TPX2: variants seen among roughly 807,000 people sequenced by gnomAD.
TPX2 encodes the protein TPX2 microtubule nucleation factor.
TPX2 carries 21 observed loss-of-function variants against 93.6 expected under a neutral mutation model. The observed-to-expected ratio is 0.22, with a 90% CI of 0.16 to 0.32. The LOEUF (loss-of-function observed/expected upper bound fraction) is 0.32. Among genes scored for constraint, TPX2 ranks in the 10% least tolerant of loss-of-function variants. TPX2 has a pLI of 1.00. For synonymous variants in TPX2, 281 were observed against 298.3 expected (o/e 0.94, Z 0.60); for missense variants, 776 against 871.1 (o/e 0.89, Z 1.37).
intron 2 of TPX2, among the ~76,000 whole-genome samples, chr20:31,751,324 C>CA (rs2061818208): frequency 6.6e-6 from 1 of 152,104 alleles, no homozygotes; most frequent in Non-Finnish European, 1.5e-5. Flanking sequence ...GTCTTCATTA[C>CA]ATTCATGCCT....
At chr20:31,789,176 G>A (rs1463967256) in intron 12 of TPX2, among the ~76,000 whole-genome samples, 5 of 152,126 alleles carry the variant, frequency 3.3e-5, no homozygotes, top group Admixed American at 2.0e-4. Flanking sequence ...TAGAGCACTT[G>A]TGAAAATTTG....
intron 1 of TPX2, among the ~76,000 whole-genome samples, chr20:31,742,288 C>A (rs1276095789): frequency 6.6e-6 from 1 of 151,486 alleles, no homozygotes; most frequent in Non-Finnish European, 1.5e-5. Flanking sequence ...AGCGATTCTC[C>A]TGCCTCAGTG....
chr20:31,779,109 A>G, intron 10 of TPX2, 125 bp downstream of exon 10: 1 of 1,071,650 alleles, frequency 9.3e-7, no homozygotes, highest in African/African-American at 1.6e-5. Context: ...GCGTGTGACT[A>G]TGCAGACAAC....
At chr20:31,760,244 G>A (rs566136812) in intron 4 of TPX2, 65 bp downstream of exon 4, 1 of 1,586,732 alleles carries the variant, frequency 6.3e-7, no homozygotes, top group Non-Finnish European at 8.5e-7. Flanking sequence ...AGAAGCCTGA[G>A]GTTCTGGGAA....
In TPX2 at chr20:31,785,170, G is replaced by A. The variant is rs1355450234; in HGVS notation, c.1413+1249G>A. ...ACCTACTTTTGATTGAGAGCTTTTT[G>A]CGTGACTTCTGTTCACGATGCTTTT... On this transcript the variant is annotated intron_variant, in intron 12 of 17. Transcript: ENST00000300403. 2.6e-5 allele frequency among the ~76,000 whole-genome samples: 4 copies of A among 152,166 alleles called. No homozygotes were observed. In the East Asian group the frequency reaches 5.8e-4, roughly 22 times the overall value.
chr20:31,767,808 T>C (rs559362355), intron 5 of TPX2, among the ~76,000 whole-genome samples: 15 of 152,080 alleles, frequency 9.9e-5, no homozygotes, highest in Non-Finnish European at 1.6e-4. Context: ...CACCTATGCC[T>C]CCCAAAGTGT....
intron 3 of TPX2, 151 bp downstream of exon 3, chr20:31,757,733 T>A (rs2061860810): frequency 1.6e-6 from 1 of 627,084 alleles, no homozygotes; most frequent in African/African-American, 1.9e-5. Context: ...ATTATGGGAA[T>A]AATTGAAATG....
chr20:31,757,393 A>G lies in TPX2; in HGVS notation c.-70-14A>G. ...AATTTACTTAGATTTATGTGCAACCATTTCTTTCCTCAGAAGGTGACCTGC... is the reference window on the plus strand; with the variant it reads ...AATTTACTTAGATTTATGTGCAACCGTTTCTTTCCTCAGAAGGTGACCTGC... On this transcript the variant is annotated splice_polypyrimidine_tract_variant and intron_variant, in intron 2 of 17. Transcript: ENST00000300403. The G allele has an allele frequency of 9.0e-7, 1 of 1,109,214 alleles. No homozygotes were observed. Among genetic ancestry groups the G allele is most frequent in the Admixed American group, 2.2e-5 (1 of 46,320 alleles). The allele number at this position is 1,109,214 out of a possible 1,614,324, so 68.7% of individuals were successfully genotyped here. A position where few individuals can be genotyped will look rare whatever the true frequency, so the allele number is the denominator to read the frequency against.
Position 31,775,893 on chromosome 20 carries a change from A to C in TPX2, c.635A>C (p.Glu212Ala), listed in dbSNP as rs1405899732. The C allele has an allele frequency of 1.9e-6, 3 of 1,599,898 alleles. No individual in the cohort carries two copies. The East Asian group carries it at 6.8e-5, about 36-fold the overall frequency. Residue 212 changes from glutamate to alanine, a missense_variant, in exon 8 of 18, where the codon GAG becomes GCG. This residue lies in a region of TPX2 where 279 missense variants were observed against 261.6 expected (regional missense o/e 1.07). Transcript: ENST00000300403. ...AKQKFLKSTE[E>A]QELEKSMKMQ... is the part of the protein sequence containing the mutation. ...CAGAAGTTTCTAAAAAGTACTGAGGAGCAAGAGCTGGAGAAGAGTATGAAA... is the reference window on the plus strand; with the variant it reads ...CAGAAGTTTCTAAAAAGTACTGAGGCGCAAGAGCTGGAGAAGAGTATGAAA...
At chr20:31,779,164 T>C (rs901890955) in intron 10 of TPX2, among the ~76,000 whole-genome samples, 180 bp downstream of exon 10, 15 of 152,216 alleles carry the variant, frequency 9.9e-5, no homozygotes, top group Non-Finnish European at 1.6e-4. Context: ...CTGTCTGTCT[T>C]ATACCCATCA....
At position 31,775,986 on chromosome 20, in the gene TPX2, T is replaced by C. The variant is rs2061994220; in HGVS notation, c.728T>C (p.Ile243Thr). ...TTCAAGAAACTTGCTCTGGCTGGAA[T>C]AGGTGAGCTTGGCTGTGGTTGAGTC... ...EEFKKLALAG[I>T]GQPVKKSVSQ... Residue 243 changes from isoleucine to threonine, a missense_variant and splice_region_variant, in exon 8 of 18, where the codon ATA becomes ACA. Ile to Thr is a moderately conservative substitution (Grantham distance 89). Transcript: ENST00000300403. 6.5e-7 allele frequency: 1 copy of C among 1,536,496 alleles called. No individual in the cohort carries two copies.
chr20:31,798,909 G>A (rs2123103927), intron 17 of TPX2, among the ~76,000 whole-genome samples: 1 of 152,338 alleles, frequency 6.6e-6, no homozygotes, highest in South Asian at 2.1e-4. Flanking sequence ...TCATAAGGAG[G>A]ACAACATGTG....
chr20:31,751,068 C>T (rs1056890262), intron 2 of TPX2, among the ~76,000 whole-genome samples: 5 of 152,024 alleles, frequency 3.3e-5, no homozygotes, highest in African/African-American at 7.2e-5. Flanking sequence ...CCACCATGCC[C>T]AGCTACTTAG....
intron 2 of TPX2, among the ~76,000 whole-genome samples, chr20:31,756,743 C>A (rs1443971540): frequency 6.6e-6 from 1 of 151,982 alleles, no homozygotes; most frequent in East Asian, 1.9e-4. Context: ...CCTGCCTCAC[C>A]CTCCCGAGTA....
intron 12 of TPX2, among the ~76,000 whole-genome samples, chr20:31,787,065 A>G (rs1444039685): frequency 6.6e-6 from 1 of 151,860 alleles, no homozygotes; most frequent in Non-Finnish European, 1.5e-5. Flanking sequence ...AAGCAGGGGT[A>G]TTATTAATAG....
chr20:31,760,119 G>A lies in TPX2; in HGVS notation c.169G>A (p.Gly57Ser). 9 of 1,613,766 alleles carry A rather than the reference G, an allele frequency of 5.6e-6. No homozygotes were observed. The highest frequency in any genetic ancestry group is 7.6e-6 in the Non-Finnish European group (9 of 1,179,938). Residue 57 changes from glycine to serine, a missense_variant, in exon 4 of 18, where the codon GGC becomes AGC. Physicochemically the swap from Gly to Ser is moderately conservative, Grantham distance 56 (BLOSUM62 0). This residue lies in a region of TPX2 where 279 missense variants were observed against 261.6 expected (regional missense o/e 1.07). Coordinates refer to ENST00000300403, the MANE Select transcript of TPX2 (RefSeq NM_012112.5). Reference protein sequence around the residue: ...GKNGTGGLFQGKTPLRKANLQ... With the variant: ...GKNGTGGLFQSKTPLRKANLQ... The stretch of plus-strand genomic sequence containing the variant: ...GAATGGAACTGGAGGGCTTTTTCAG[G>A]GCAAAACTCCTTTGAGAAAGGCTAA...
intron 2 of TPX2, among the ~76,000 whole-genome samples, chr20:31,752,770 G>T (rs2061827519): frequency 6.6e-6 from 1 of 152,048 alleles, no homozygotes; most frequent in Non-Finnish European, 1.5e-5. Flanking sequence ...CCGCCACCAT[G>T]CCTGGCTAAT....
At chr20:31,740,875 G>T (rs535872320) in intron 1 of TPX2, among the ~76,000 whole-genome samples, 3 of 152,270 alleles carry the variant, frequency 2.0e-5, no homozygotes, top group Admixed American at 1.3e-4. Flanking sequence ...CTAAATACCT[G>T]TTGAATTGAG....
chr20:31,768,173 A>C (rs2061940817), intron 5 of TPX2, among the ~76,000 whole-genome samples: 1 of 151,424 alleles, frequency 6.6e-6, no homozygotes, highest in Non-Finnish European at 1.5e-5. Context: ...AGCTCAAGCG[A>C]TCTGCCCACC....
Sources: allele counts gnomAD v4.1 joint callset (sites outside exome capture counted in the v4.1 genomes callset), GRCh38; gene constraint gnomAD v4.1.1; regional missense constraint gnomAD v4.1.1; transcripts MANE v1.5; gene names NCBI Gene and HGNC (gene_info 2026-07-23, HGNC 2026-07-21).